GATAD2A: variants seen among roughly 807,000 people sequenced by gnomAD.
GATAD2A encodes the protein transcriptional repressor p66-alpha.
A neutral mutation model predicts 68.5 loss-of-function variants in GATAD2A; 12 were observed. The ratio of observed to expected loss-of-function variants is 0.18; its 90% CI spans 0.11 to 0.28. The LOEUF (loss-of-function observed/expected upper bound fraction) is 0.28, where lower values mean the gene tolerates loss of function less well. Ranked by LOEUF, GATAD2A falls within the 10% of genes least tolerant of loss-of-function variation. GATAD2A has a pLI of 1.00. For missense variants in GATAD2A, 755 were observed against 868.5 expected (o/e 0.87, Z 1.64); for synonymous variants, 410 against 375.3 (o/e 1.09, Z -1.07).
chr19:19,460,927 G>A (rs550286284), intron 1 of GATAD2A, among the ~76,000 whole-genome samples: 2 of 152,154 alleles, frequency 1.3e-5, no homozygotes, highest in East Asian at 1.9e-4. Flanking sequence ...GGTGCCGCCC[G>A]TTCCACCCAG....
chr19:19,419,007 A>G (rs906969794), intron 1 of GATAD2A, among the ~76,000 whole-genome samples: 2 of 152,092 alleles, frequency 1.3e-5, no homozygotes, highest in African/African-American at 4.8e-5. Context: ...GCCCACTCCA[A>G]AAGGCCTCCT....
chr19:19,470,760 A>C lies in GATAD2A; in HGVS notation c.269+5146A>C, dbSNP rs866343816. ...AGTATAGCTGTAAAAAACAAAAAAA[A>C]AAGGAAGTAACAAGTGTTGAGGAGG... is the stretch of plus-strand genomic sequence containing the variant. On this transcript the variant is annotated intron_variant, in intron 2 of 11. Transcript: ENST00000683918. 2.1e-3 allele frequency among the ~76,000 whole-genome samples: 320 copies of C among 152,302 alleles called. 2 individuals are homozygous for C. The highest frequency in any genetic ancestry group is 0.016 in the South Asian group (78 of 4,832).
chr19:19,395,180 C>T (rs1163537268), intron 1 of GATAD2A, among the ~76,000 whole-genome samples: 2 of 152,162 alleles, frequency 1.3e-5, no homozygotes, highest in Non-Finnish European at 2.9e-5. Flanking sequence ...CAAGGCCGGG[C>T]GCGGTGGCTC....
chr19:19,464,031 C>G (rs1407019795), intron 1 of GATAD2A, among the ~76,000 whole-genome samples: 1 of 152,198 alleles, frequency 6.6e-6, no homozygotes, highest in Non-Finnish European at 1.5e-5. Context: ...GGCGACAGGA[C>G]CCCTGTGTTG....
intron 1 of GATAD2A, among the ~76,000 whole-genome samples, chr19:19,464,416 C>T (rs1181292675): frequency 1.3e-5 from 2 of 152,362 alleles, no homozygotes; most frequent in Middle Eastern, 3.4e-3. Context: ...AGAGCAGCCC[C>T]TTTAAGAGTG....
Position 19,491,243 on chromosome 19 carries a change from C to T in GATAD2A, c.270-1063C>T, listed in dbSNP as rs143985125. 5.8e-4 allele frequency among the ~76,000 whole-genome samples: 88 copies of T among 152,274 alleles called. 1 individual carries two copies. The East Asian group carries it at 0.011, about 19-fold the overall frequency. ...GCAGCTCATCAGCCACACTCTTAGA[C>T]GTTTGTGACCATACTTTGACAAAAT... On this transcript the variant is annotated intron_variant, in intron 2 of 11. Transcript: ENST00000683918.
chr19:19,496,346 C>A, intron 7 of GATAD2A, 127 bp downstream of exon 7: 1 of 843,892 alleles, frequency 1.2e-6, no homozygotes, highest in Non-Finnish European at 1.9e-6. Flanking sequence ...CTTGCTCTTT[C>A]AGAGCCAGGC....
intron 1 of GATAD2A, among the ~76,000 whole-genome samples, chr19:19,422,348 G>A (rs1421676756): frequency 6.6e-6 from 1 of 152,130 alleles, no homozygotes; most frequent in African/African-American, 2.4e-5. Flanking sequence ...CCAGGTGCCA[G>A]CCCCCACCAG....
upstream of GATAD2A, among the ~76,000 whole-genome samples, chr19:19,403,053 G>A (rs1258181508): frequency 1.3e-5 from 2 of 151,824 alleles, no homozygotes; most frequent in Non-Finnish European, 2.9e-5. Flanking sequence ...GATTACAGAC[G>A]TGAGCCACTG....
intron 2 of GATAD2A, among the ~76,000 whole-genome samples, chr19:19,473,355 C>G (rs888347662): frequency 1.6e-4 from 25 of 152,044 alleles, no homozygotes; most frequent in Non-Finnish European, 2.9e-5. Context: ...TTTTTTTGGC[C>G]TTCAGCTCCC....
At chr19:19,476,286 C>G (rs2058673336) in intron 2 of GATAD2A, among the ~76,000 whole-genome samples, 1 of 152,156 alleles carries the variant, frequency 6.6e-6, no homozygotes, top group African/African-American at 2.4e-5. Context: ...TTAAGCAGAC[C>G]TCTTCCTTCT....
chr19:19,482,310 C>T (rs982385734), intron 2 of GATAD2A, among the ~76,000 whole-genome samples: 3 of 152,082 alleles, frequency 2.0e-5, no homozygotes, highest in Non-Finnish European at 4.4e-5. Context: ...AGACTGAGGC[C>T]GGAGAATCAC....
intron 1 of GATAD2A, chr19:19,434,957 C>A: frequency 2.7e-6 from 1 of 369,582 alleles, no homozygotes; most frequent in South Asian, 2.0e-5. Context: ...CCTAGCACTG[C>A]CTTCACCAGG....
chr19:19,436,331 A>G, intron 1 of GATAD2A: 2 of 524,348 alleles, frequency 3.8e-6, no homozygotes, highest in Non-Finnish European at 7.2e-6. Context: ...CCTCCTAGAG[A>G]AGATGGAGGG....
At chr19:19,496,402 CGTGGGCAGAAGTTTT>C (rs1441153211) in intron 7 of GATAD2A, among the ~76,000 whole-genome samples, 183 bp downstream of exon 7, 2 of 152,138 alleles carry the variant, frequency 1.3e-5, no homozygotes, top group Non-Finnish European at 2.9e-5. Context: ...CTGTCTGGGT[CGTGGGCAGAAGTTTT>C]GTGGGCAGAC....
chr19:19,444,408 C>A (rs1362162866), intron 1 of GATAD2A, among the ~76,000 whole-genome samples: 1 of 152,194 alleles, frequency 6.6e-6, no homozygotes, highest in Admixed American at 6.5e-5. Context: ...GCTGTGCCCC[C>A]CACTCCAGTG....
chr19:19,481,843 C>T (rs1214095624), intron 2 of GATAD2A, among the ~76,000 whole-genome samples: 2 of 152,220 alleles, frequency 1.3e-5, no homozygotes, highest in Non-Finnish European at 2.9e-5. Flanking sequence ...TGGCTCACGC[C>T]TGTTACAGCA....
chr19:19,440,063 C>T (rs181490016), intron 1 of GATAD2A: 2 of 329,718 alleles, frequency 6.1e-6, no homozygotes, highest in Admixed American at 8.5e-5. Context: ...GGTGGCTCTG[C>T]CTACAGGGTG....
chr19:19,495,696 TA>T (rs1032530625), intron 5 of GATAD2A, 57 bp from the exon 6 acceptor site: 4 of 1,503,714 alleles, frequency 2.7e-6, no homozygotes, highest in Non-Finnish European at 2.7e-6. Context: ...CTGCTTGCTT[TA>T]AAAAAAGTGT....
Sources: allele counts gnomAD v4.1 joint callset (sites outside exome capture counted in the v4.1 genomes callset), GRCh38; gene constraint gnomAD v4.1.1; transcripts MANE v1.5; gene names NCBI Gene and HGNC (gene_info 2026-07-23, HGNC 2026-07-21).